The following MARCHF10 variants were observed in gnomAD, a reference collection of about 807,000 sequenced individuals.
MARCHF10 encodes the protein probable E3 ubiquitin-protein ligase MARCHF10.
MARCHF10 carries 64 observed loss-of-function variants against 76.2 expected under a neutral mutation model. That is an observed-to-expected ratio of 0.84 (90% CI 0.69 to 1.03). MARCHF10 has a LOEUF of 1.03. MARCHF10 is among the 50% of genes least tolerant of loss of function. The pLI is 0.00. For missense variants in MARCHF10, 875 were observed against 958.0 expected, an observed-to-expected ratio of 0.91 and a Z score of 1.14; for synonymous variants, 340 against 357.5, an observed-to-expected ratio of 0.95 and a Z score of 0.55.
At chr17:62,713,063 G>A (rs1240887673) in intron 8 of MARCHF10, among the ~76,000 whole-genome samples, 3 of 152,020 alleles carry the variant, frequency 2.0e-5, no homozygotes, top group Non-Finnish European at 4.4e-5. Context: ...TGTTTTAATT[G>A]CCTCCTCCTG....
chr17:62,730,826 G>A (rs568870056), intron 6 of MARCHF10, among the ~76,000 whole-genome samples: 48 of 152,160 alleles, frequency 3.2e-4, no homozygotes, highest in Admixed American at 2.5e-3. Context: ...CCCGGGAGGC[G>A]GAGCTTGCAG....
At chr17:62,766,540 G>C (rs887951574) in intron 3 of MARCHF10, among the ~76,000 whole-genome samples, 3 of 152,088 alleles carry the variant, frequency 2.0e-5, no homozygotes, top group African/African-American at 7.2e-5. Flanking sequence ...TTAAAATGCG[G>C]TGTTTAATAG....
At chr17:62,806,232 A>G (rs1031014045) in intron 1 of MARCHF10, among the ~76,000 whole-genome samples, 2 of 152,194 alleles carry the variant, frequency 1.3e-5, no homozygotes, top group African/African-American at 4.8e-5. Flanking sequence ...AAACAGAAAT[A>G]ACAGTATGGA....
chr17:62,707,845 G>T (rs868081438), intron 9 of MARCHF10, among the ~76,000 whole-genome samples: 7 of 152,268 alleles, frequency 4.6e-5, no homozygotes, highest in Non-Finnish European at 1.0e-4. Flanking sequence ...TAGTAGGTTC[G>T]CAGAAAATCT....
intron 10 of MARCHF10, chr17:62,705,276 C>G (rs750856020): frequency 5.7e-6 from 8 of 1,414,900 alleles, no homozygotes; most frequent in Non-Finnish European, 7.3e-6. Context: ...TTATCTCATG[C>G]CGGAAGATAA....
At chr17:62,799,700 C>T (rs981896385) in intron 2 of MARCHF10, among the ~76,000 whole-genome samples, 2 of 151,254 alleles carry the variant, frequency 1.3e-5, no homozygotes, top group African/African-American at 2.4e-5. Flanking sequence ...GAGCCAAGAT[C>T]GTGCCACTGC....
intron 9 of MARCHF10, among the ~76,000 whole-genome samples, chr17:62,706,992 G>T (rs1010142321): frequency 1.3e-5 from 2 of 152,218 alleles, no homozygotes; most frequent in African/African-American, 4.8e-5. Context: ...GGAAAGGCCA[G>T]CTTCCTGCCG....
At chr17:62,743,581 T>C (rs2091594693) in intron 5 of MARCHF10, among the ~76,000 whole-genome samples, 1 of 152,120 alleles carries the variant, frequency 6.6e-6, no homozygotes, top group Admixed American at 6.5e-5. Context: ...AGGTGGAGGT[T>C]GCAGTGAGTC....
chr17:62,762,489 G>A (rs1490732442), intron 3 of MARCHF10, among the ~76,000 whole-genome samples: 1 of 152,088 alleles, frequency 6.6e-6, no homozygotes, highest in South Asian at 2.1e-4. Context: ...AATAAATCAC[G>A]TCCACCTTTT....
In MARCHF10 at chr17:62,736,075, T is replaced by C. The variant is rs1428484417; in HGVS notation, c.1793A>G (p.Asn598Ser). The stretch of plus-strand genomic sequence containing the variant: ...CACTGCAAAGAAAGTAAATGGTGTA[T>C]TTTCTTGCAGAGACCCAGACACATG... ...HLHVSGSLQE[N>S]TPFTFFAVSH... Residue 598 changes from asparagine (N) to serine (S), a missense_variant, in exon 6 of 11, where the codon AAT becomes AGT. Transcript: ENST00000311269. The C allele has an allele frequency of 5.6e-6, 9 of 1,614,100 alleles. No individual in the cohort carries two copies. Among genetic ancestry groups the C allele is most frequent in the African/African-American group, 1.3e-5 (1 of 74,932 alleles).
At chr17:62,769,665 C>T (rs1236072837) in intron 3 of MARCHF10, among the ~76,000 whole-genome samples, 1 of 152,168 alleles carries the variant, frequency 6.6e-6, no homozygotes, top group Non-Finnish European at 1.5e-5. Context: ...CTCCCCACCT[C>T]GGCCTCCCAA....
intron 1 of MARCHF10, 96 bp from the exon 2 acceptor site, chr17:62,801,848 T>C: frequency 1.1e-6 from 1 of 901,522 alleles, no homozygotes; most frequent in South Asian, 1.4e-5. Context: ...TATTTGTGTA[T>C]TCATCTAATT....
chr17:62,775,781 A>T (rs191751770), intron 3 of MARCHF10, among the ~76,000 whole-genome samples: 26 of 152,082 alleles, frequency 1.7e-4, no homozygotes, highest in African/African-American at 6.3e-4. Context: ...TAAAAATTTT[A>T]AAATTTTGAT....
At chr17:62,801,322 T>G (rs1424696160) in intron 2 of MARCHF10, among the ~76,000 whole-genome samples, 1 of 151,860 alleles carries the variant, frequency 6.6e-6, no homozygotes, top group African/African-American at 2.4e-5. Flanking sequence ...CCTGGCTAAT[T>G]TTTTGTATTT....
At chr17:62,723,747 T>C (rs189331148) in intron 7 of MARCHF10, among the ~76,000 whole-genome samples, 66 of 152,140 alleles carry the variant, frequency 4.3e-4, no homozygotes, top group African/African-American at 1.4e-3. Flanking sequence ...CCCAAATTTC[T>C]AGGAAGATAA....
rs1419423071 is a variant in MARCHF10 at position 62,767,350 on chromosome 17, A to G, written c.211-7344T>C. ...CTTTTCTTTATTACAAAAGAAATGC[A>G]TGCTCAGAATGGAAAAACAAAAACA... On this transcript the variant is annotated intron_variant, in intron 3 of 10. Coordinates refer to ENST00000311269, the MANE Select transcript of MARCHF10 (RefSeq NM_152598.4). 2.6e-5 allele frequency among the ~76,000 whole-genome samples: 4 copies of G among 152,308 alleles called. No individual in the cohort carries two copies. The South Asian group carries it at 6.2e-4, about 24-fold the overall frequency.
intron 3 of MARCHF10, among the ~76,000 whole-genome samples, chr17:62,781,836 G>A (rs2092663688): frequency 6.6e-6 from 1 of 152,198 alleles, no homozygotes; most frequent in Non-Finnish European, 1.5e-5. Context: ...TGCAATATAA[G>A]TGTCAAAATT....
intron 3 of MARCHF10, 78 bp from the exon 4 acceptor site, chr17:62,760,084 C>T (rs752613801): frequency 8.4e-7 from 1 of 1,187,964 alleles, no homozygotes. Flanking sequence ...AGAAATGAGG[C>T]AAATGCAGTG....
At chr17:62,753,519 A>G (rs2091957288) in intron 4 of MARCHF10, among the ~76,000 whole-genome samples, 1 of 152,202 alleles carries the variant, frequency 6.6e-6, no homozygotes. Context: ...TGCATTTCTA[A>G]GAAGCTCTCA....
Sources: allele counts gnomAD v4.1 joint callset (sites outside exome capture counted in the v4.1 genomes callset), GRCh38; gene constraint gnomAD v4.1.1; transcripts MANE v1.5; gene names NCBI Gene and HGNC (gene_info 2026-07-23, HGNC 2026-07-21).